The following ZPBP variants were observed in gnomAD, a reference collection of about 807,000 sequenced individuals.
The protein encoded by ZPBP is zona pellucida-binding protein 1.
In ZPBP, 26 loss-of-function variants were observed where a neutral mutation model predicts 44.8. The ratio of observed to expected loss-of-function variants is 0.58; its 90% confidence interval spans 0.43 to 0.81. ZPBP has a LOEUF of 0.81. Among genes scored for constraint, ZPBP ranks in the 30% least tolerant of loss-of-function variants. The pLI is 0.00. For synonymous variants in ZPBP, 174 were observed against 153.2 expected (o/e 1.14, Z -1.00); for missense variants, 409 against 434.0 (o/e 0.94, Z 0.51).
intron 4 of ZPBP, among the ~76,000 whole-genome samples, chr7:50,041,477 T>G (rs1187238247): frequency 6.6e-6 from 1 of 152,180 alleles, no homozygotes; most frequent in East Asian, 1.9e-4. Flanking sequence ...CAGCAATCTT[T>G]GCTGTACTGC....
intron 4 of ZPBP, among the ~76,000 whole-genome samples, chr7:50,049,336 T>C (rs1016938674): frequency 6.6e-6 from 1 of 151,992 alleles, no homozygotes; most frequent in South Asian, 2.1e-4. Context: ...AATACCCTGA[T>C]ACCTAAACCA....
chr7:49,957,930 G>T (rs1321996603), intron 7 of ZPBP, among the ~76,000 whole-genome samples: 1 of 152,174 alleles, frequency 6.6e-6, no homozygotes, highest in African/African-American at 2.4e-5. Flanking sequence ...GTGGCTTCTC[G>T]AGCCCTTGAG....
the ZPBP span, among the ~76,000 whole-genome samples, chr7:49,843,769 C>A: frequency 3.1e-3 from 467 of 152,264 alleles, 1 homozygote; most frequent in African/African-American, 0.01. Context: ...TTGCCCCCAG[C>A]GCTACAGGGC....
rs542683415 is a variant in ZPBP at position 50,081,991 on chromosome 7, T to C, written c.209-92A>G. The C allele has an allele frequency of 1.5e-5, 22 of 1,423,772 alleles. No homozygotes were observed. The African/African-American group carries it at 2.4e-4, about 16-fold the overall frequency. The allele number at this position is 1,423,772 out of a possible 1,614,324, so 88.2% of individuals were successfully genotyped here. Reference sequence around the variant, plus strand: ...CTTTTGTAGTTTGGGTTACATGCAATAATAAGAGTACTTTGAATTATTGCT... The same window carrying C: ...CTTTTGTAGTTTGGGTTACATGCAACAATAAGAGTACTTTGAATTATTGCT... On this transcript the variant is annotated intron_variant, in intron 2 of 7. Coordinates refer to ENST00000046087, the MANE Select transcript of ZPBP (RefSeq NM_007009.3).
chr7:49,871,967 A>AGAGG (rs951504925), intron 2 of ZPBP, among the ~76,000 whole-genome samples: 1 of 136,182 alleles, frequency 7.3e-6, no homozygotes, highest in African/African-American at 2.7e-5. Flanking sequence ...ACCGAGAAAG[A>AGAGG]GAGGGAGGGA....
chr7:50,024,886 T>C (rs908674203), intron 5 of ZPBP, among the ~76,000 whole-genome samples: 2 of 151,900 alleles, frequency 1.3e-5, no homozygotes, highest in Non-Finnish European at 2.9e-5. Flanking sequence ...TGTGAGATAA[T>C]AGATATGTTA....
chr7:49,882,117 T>G (rs1791691045), intron 2 of ZPBP, among the ~76,000 whole-genome samples: 1 of 152,190 alleles, frequency 6.6e-6, no homozygotes, highest in Admixed American at 6.5e-5. Flanking sequence ...TAGATTTATA[T>G]GTGCCATAAT....
chr7:50,080,800 A>G (rs1802317570), intron 3 of ZPBP, among the ~76,000 whole-genome samples: 1 of 151,772 alleles, frequency 6.6e-6, no homozygotes, highest in South Asian at 2.1e-4. Flanking sequence ...AGCCCTGCTG[A>G]TCCCATGAAC....
the ZPBP span, among the ~76,000 whole-genome samples, chr7:49,841,015 G>A: frequency 6.6e-6 from 1 of 152,188 alleles, no homozygotes; most frequent in African/African-American, 2.4e-5. Flanking sequence ...TTCAAGATTG[G>A]ATGCCACTGC....
intron 3 of ZPBP, among the ~76,000 whole-genome samples, chr7:50,063,600 T>A (rs1338837298): frequency 7.2e-6 from 1 of 138,638 alleles, no homozygotes; most frequent in African/African-American, 2.5e-5. Context: ...TTGAGAACCA[T>A]TTTTTTTTTT....
intron 1 of ZPBP, among the ~76,000 whole-genome samples, chr7:49,909,214 G>A (rs1322067486): frequency 4.6e-5 from 7 of 152,152 alleles, no homozygotes; most frequent in Admixed American, 4.6e-4. Flanking sequence ...AAGGATACAG[G>A]TCTTCTGGGC....
chr7:49,919,388 G>A (rs1300100361), intron 1 of ZPBP: 2 of 152,112 alleles, frequency 1.3e-5, no homozygotes, highest in East Asian at 1.9e-4. Flanking sequence ...ACTTACATCA[G>A]TATTATGATT....
At position 50,031,098 on chromosome 7, in the gene ZPBP, A is replaced by G. The variant is rs1454369707; in HGVS notation, c.700T>C (p.Phe234Leu). 1 of 1,613,374 alleles carries G rather than the reference A, an allele frequency of 6.2e-7. No homozygotes were observed. The highest frequency in any genetic ancestry group is 2.2e-5 in the East Asian group (1 of 44,800). ...ACAAATTGTATAGACTTACCTGAAA[A>G]TGCAAAGAACAATTCATTTTGCAAA... ...AGLQNELFFA[F>L]SVSSLDTEKG... Residue 234 changes from phenylalanine (F) to leucine (L), a missense_variant, in exon 5 of 8, where the codon TTT (phenylalanine) becomes CTT (leucine). Physicochemically the swap from Phe to Leu is conservative, Grantham distance 22. Coordinates refer to ENST00000046087, the MANE Select transcript of ZPBP (RefSeq NM_007009.3).
chr7:49,862,353 G>T (rs1790686021), intron 2 of ZPBP, among the ~76,000 whole-genome samples: 1 of 152,008 alleles, frequency 6.6e-6, no homozygotes, highest in Admixed American at 6.6e-5. Context: ...TCAATTATTA[G>T]CCCTAGTATC....
At chr7:49,863,918 G>GT (rs1157897866) in intron 2 of ZPBP, among the ~76,000 whole-genome samples, 1 of 151,998 alleles carries the variant, frequency 6.6e-6, no homozygotes, top group Non-Finnish European at 1.5e-5. Flanking sequence ...TTTTAGCATA[G>GT]TTTTTTCTGT....
intron 2 of ZPBP, among the ~76,000 whole-genome samples, chr7:49,875,398 C>CAAA (rs1791372496): frequency 2.2e-5 from 1 of 46,238 alleles, no homozygotes; most frequent in African/African-American, 8.0e-5. Context: ...AAAAAAAAAA[C>CAAA]AGGAATAAAT....
At chr7:50,086,746 T>G (rs973654129) in intron 2 of ZPBP, among the ~76,000 whole-genome samples, 13 of 151,924 alleles carry the variant, frequency 8.6e-5, no homozygotes, top group African/African-American at 3.1e-4. Flanking sequence ...ATCAGAGTCC[T>G]GAAGGAGGGG....
At chr7:50,020,285 G>A (rs931646519) in intron 5 of ZPBP, among the ~76,000 whole-genome samples, 1 of 151,960 alleles carries the variant, frequency 6.6e-6, no homozygotes, top group Non-Finnish European at 1.5e-5. Context: ...CAAGTTTAAG[G>A]CAATTTTTAA....
chr7:49,955,027 T>C (rs1795516242), intron 7 of ZPBP, among the ~76,000 whole-genome samples: 1 of 152,194 alleles, frequency 6.6e-6, no homozygotes, highest in Non-Finnish European at 1.5e-5. Flanking sequence ...ACAAAAATTA[T>C]ATTGGAGTTG....
Sources: gnomAD v4.1 joint callset for allele counts (sites outside exome capture counted in the v4.1 genomes callset) on GRCh38, gnomAD v4.1.1 for gene constraint, MANE v1.5 for transcripts, NCBI Gene and HGNC (gene_info 2026-07-23, HGNC 2026-07-21) for gene names.